Variants in COL10A1 observed in about 807,000 individuals in gnomAD.
COL10A1 encodes collagen type X alpha 1 chain.
In COL10A1, 10 loss-of-function variants were observed where a neutral mutation model predicts 18.2. The ratio of observed to expected loss-of-function variants is 0.55; its 90% CI spans 0.34 to 0.93. The LOEUF is 0.93. Ranked by LOEUF, COL10A1 falls within the 40% of genes least tolerant of loss-of-function variation. The pLI is 0.02. For missense variants in COL10A1, 897 were observed against 853.5 expected, an observed-to-expected ratio of 1.05 and a Z score of -0.64; for synonymous variants, 330 against 316.6, an observed-to-expected ratio of 1.04 and a Z score of -0.45.
At chr6:116,173,146 A>T in the COL10A1 span, among the ~76,000 whole-genome samples, 20 of 152,200 alleles carry the variant, frequency 1.3e-4, no homozygotes, top group African/African-American at 4.6e-4. Context: ...ACTAAAAATG[A>T]TAGCTAAAAA....
At chr6:116,130,865 G>C (rs781631158), upstream of COL10A1, among the ~76,000 whole-genome samples, 5 of 151,418 alleles carry the variant, frequency 3.3e-5, no homozygotes, top group Non-Finnish European at 5.9e-5. Flanking sequence ...ACCAATATTC[G>C]TACCAGAATA....
intron 1 of COL10A1, among the ~76,000 whole-genome samples, chr6:116,141,809 A>G (rs1582830168): frequency 6.8e-6 from 1 of 146,120 alleles, no homozygotes; most frequent in Admixed American, 6.9e-5. Flanking sequence ...CCAGTTGAGG[A>G]TTATGATAAG....
chr6:116,121,946 C>A lies in COL10A1; in HGVS notation c.170G>T (p.Gly57Val), dbSNP rs766110843. The A allele has an allele frequency of 6.2e-7, 1 of 1,612,738 alleles. No homozygotes were observed. The highest frequency in any genetic ancestry group is 1.1e-5 in the South Asian group (1 of 91,058). The change falls in exon 3 of 3, where the codon GGA (glycine) becomes GTA (valine). Residue 57 changes from glycine to valine, a missense_variant. Gly to Val is a moderately radical substitution (Grantham distance 109). Transcript: ENST00000651968. ...TGGTGGACCAGGAGTACCTTGCTCT[C>A]CTCTTACTGCTATACCTAAAAGACA... is the stretch of plus-strand genomic sequence containing the variant. ...TIKSKGIAVR[G>V]EQGTPGPPGP...
At chr6:116,201,887 A>G in the COL10A1 span, among the ~76,000 whole-genome samples, 1 of 152,000 alleles carries the variant, frequency 6.6e-6, no homozygotes, top group Non-Finnish European at 1.5e-5. Context: ...TTTGCTTATT[A>G]TTTGGATCCA....
At chr6:116,131,337 C>T (rs1779458482) in intron 1 of COL10A1, among the ~76,000 whole-genome samples, 2 of 152,156 alleles carry the variant, frequency 1.3e-5, no homozygotes, top group South Asian at 4.1e-4. Context: ...GTTTCACCTT[C>T]CTTCTGTATG....
chr6:116,144,132 A>G (rs1289135849), intron 1 of COL10A1, among the ~76,000 whole-genome samples: 2 of 152,174 alleles, frequency 1.3e-5, no homozygotes, highest in Non-Finnish European at 2.9e-5. Context: ...ATATTTGGAT[A>G]TTCTGGGGAT....
At chr6:116,149,120 A>C (rs1425524931) in intron 1 of COL10A1, among the ~76,000 whole-genome samples, 1 of 152,186 alleles carries the variant, frequency 6.6e-6, no homozygotes. Context: ...ACAGTAAGTC[A>C]ACAAAGTTCT....
the COL10A1 span, among the ~76,000 whole-genome samples, chr6:116,176,991 T>G: frequency 6.6e-6 from 1 of 152,208 alleles, no homozygotes; most frequent in East Asian, 1.9e-4. Flanking sequence ...TTTATCTTAC[T>G]GAATTGAAGA....
At chr6:116,126,918 G>T (rs1332492745), upstream of COL10A1, among the ~76,000 whole-genome samples, 1 of 151,992 alleles carries the variant, frequency 6.6e-6, no homozygotes, top group Non-Finnish European at 1.5e-5. Flanking sequence ...TTCCCTCAAA[G>T]GTGGAAGTAA....
chr6:116,178,329 C>T, the COL10A1 span, among the ~76,000 whole-genome samples: 1 of 152,104 alleles, frequency 6.6e-6, no homozygotes, highest in Admixed American at 6.6e-5. Context: ...GGTGGTATGG[C>T]CATAAGCCCT....
Position 116,120,412 on chromosome 6 carries a change from G to C in COL10A1, c.1704C>G (p.Pro568=). The C allele has an allele frequency of 6.2e-7, 1 of 1,614,240 alleles. No individual in the cohort carries two copies. ...TATACAAAATTTTATCAAATGGTAT[G>C]GGAGTTCCTATTGCTGGGTAAGCTT... ...LSKAYPAIGT[P]IPFDKILYNR... is the part of the protein sequence containing the mutation. The change falls in exon 3 of 3, where the codon CCC becomes CCG. Residue 568 remains proline (P), a synonymous_variant. Transcript: ENST00000651968.
At chr6:116,210,955 A>G in the COL10A1 span, among the ~76,000 whole-genome samples, 31 of 151,968 alleles carry the variant, frequency 2.0e-4, no homozygotes, top group African/African-American at 6.8e-4. Flanking sequence ...CAGAAGTCAC[A>G]CCTTTCTGTT....
chr6:116,216,996 T>C, the COL10A1 span, among the ~76,000 whole-genome samples: 1 of 152,174 alleles, frequency 6.6e-6, no homozygotes, highest in Non-Finnish European at 1.5e-5. Flanking sequence ...ACCATGGAAG[T>C]GTTAGCATCC....
chr6:116,120,119 T>C lies in COL10A1; in HGVS notation c.1997A>G (p.Glu666Gly), dbSNP rs1779064252. 1.2e-6 allele frequency: 2 copies of C among 1,614,130 alleles called. No individual in the cohort carries two copies. Among genetic ancestry groups the C allele is most frequent in the Admixed American group, 3.3e-5 (2 of 60,018 alleles). ...TCCTGAGAAAGAGGAGTGGACATAC[T>C]CAGAGGAGTATAGGCCATTTGACTC... is the stretch of plus-strand genomic sequence containing the variant. ...NAESNGLYSS[E>G]YVHSSFSGFL... The change falls in exon 3 of 3, where the codon GAG (glutamate) becomes GGG (glycine). Residue 666 changes from glutamate (E) to glycine (G), a missense_variant. Physicochemically the swap from Glu to Gly is moderately conservative, Grantham distance 98. Coordinates refer to ENST00000651968, the MANE Select transcript of COL10A1 (RefSeq NM_000493.4).
the COL10A1 span, among the ~76,000 whole-genome samples, chr6:116,183,104 G>A: frequency 6.6e-6 from 1 of 151,890 alleles, no homozygotes; most frequent in African/African-American, 2.4e-5. Flanking sequence ...CTTGTCAGTT[G>A]TCCCTGCACC....
At chr6:116,201,919 T>C in the COL10A1 span, among the ~76,000 whole-genome samples, 2 of 152,042 alleles carry the variant, frequency 1.3e-5, no homozygotes, top group African/African-American at 4.8e-5. Context: ...GGTAGATTTA[T>C]GCACCTACAG....
At chr6:116,160,970 A>T (rs539440865), upstream of COL10A1, among the ~76,000 whole-genome samples, 38 of 152,206 alleles carry the variant, frequency 2.5e-4, no homozygotes, top group African/African-American at 9.2e-4. Flanking sequence ...GACTGGATTA[A>T]GAAAATGTGG....
At chr6:116,195,649 C>T in the COL10A1 span, among the ~76,000 whole-genome samples, 18 of 152,116 alleles carry the variant, frequency 1.2e-4, no homozygotes, top group African/African-American at 4.3e-4. Context: ...GCTATCAGAA[C>T]AGCTTTTAAA....
At chr6:116,148,552 T>G (rs766154526) in intron 1 of COL10A1, among the ~76,000 whole-genome samples, 19 of 152,184 alleles carry the variant, frequency 1.2e-4, no homozygotes, top group Non-Finnish European at 2.5e-4. Context: ...GTACTCAGAA[T>G]GTGAACATGT....
Sources: allele counts gnomAD v4.1 joint callset (sites outside exome capture counted in the v4.1 genomes callset), GRCh38; gene constraint gnomAD v4.1.1; transcripts MANE v1.5; gene names NCBI Gene and HGNC (gene_info 2026-07-23, HGNC 2026-07-21).